Variants in LRRIQ1 observed in about 807,000 individuals in gnomAD.
LRRIQ1 encodes leucine rich repeats and IQ motif containing 1.
LRRIQ1 carries 210 observed loss-of-function variants against 211.9 expected under a neutral mutation model. That is an observed-to-expected ratio of 0.99 (90% CI 0.89 to 1.11). The LOEUF (loss-of-function observed/expected upper bound fraction) is 1.11. Among genes scored for constraint, LRRIQ1 ranks in the 50% most tolerant of loss-of-function variants. The pLI, the probability that LRRIQ1 is intolerant of heterozygous loss-of-function variation, is 0.00. For missense variants in LRRIQ1, 2,136 were observed against 1,939.5 expected, an observed-to-expected ratio of 1.10 and a Z score of -1.90; for synonymous variants, 699 against 650.1, an observed-to-expected ratio of 1.08 and a Z score of -1.14.
At chr12:85,247,000 G>A (rs937837449), downstream of LRRIQ1, among the ~76,000 whole-genome samples, 3 of 151,320 alleles carry the variant, frequency 2.0e-5, no homozygotes, top group South Asian at 2.1e-4. Flanking sequence ...AAATGCATAC[G>A]AGTTAGAACA....
chr12:85,265,129 A>G (rs1388378559), downstream of LRRIQ1, among the ~76,000 whole-genome samples: 1 of 152,092 alleles, frequency 6.6e-6, no homozygotes, highest in Non-Finnish European at 1.5e-5. Context: ...TGTCTGTGTA[A>G]TACTGACATG....
intron 15 of LRRIQ1, among the ~76,000 whole-genome samples, chr12:85,113,676 T>A (rs73182408): frequency 1.3e-5 from 2 of 152,262 alleles, no homozygotes; most frequent in Non-Finnish European, 2.9e-5. Flanking sequence ...CATTAGTGAT[T>A]AGAAATGTTA....
chr12:85,159,308 T>C (rs1475061201), intron 23 of LRRIQ1, among the ~76,000 whole-genome samples: 8 of 152,030 alleles, frequency 5.3e-5, no homozygotes, highest in African/African-American at 1.7e-4. Context: ...TATGGTTCTA[T>C]GTATTTTTAT....
intron 19 of LRRIQ1, among the ~76,000 whole-genome samples, chr12:85,138,792 A>G (rs1413523399): frequency 6.6e-6 from 1 of 151,612 alleles, no homozygotes; most frequent in African/African-American, 2.4e-5. Flanking sequence ...AACATGAAAC[A>G]TACAAATTTC....
chr12:85,232,288 A>G (rs898119609), intron 25 of LRRIQ1, among the ~76,000 whole-genome samples: 5 of 152,112 alleles, frequency 3.3e-5, no homozygotes, highest in African/African-American at 4.8e-5. Context: ...GAATATTAGT[A>G]TAACACATTA....
At chr12:85,117,127 A>G (rs185877279) in intron 15 of LRRIQ1, among the ~76,000 whole-genome samples, 4 of 152,342 alleles carry the variant, frequency 2.6e-5, no homozygotes, top group East Asian at 3.9e-4. Flanking sequence ...GAGGCACACT[A>G]TAAGGATCTA....
At chr12:85,217,693 T>G (rs1894208666) in intron 24 of LRRIQ1, among the ~76,000 whole-genome samples, 1 of 145,898 alleles carries the variant, frequency 6.9e-6, no homozygotes, top group Non-Finnish European at 1.5e-5. Flanking sequence ...TATATGTGTA[T>G]ATATGTATAT....
At chr12:85,126,439 T>A (rs1592845283) in intron 17 of LRRIQ1, among the ~76,000 whole-genome samples, 1 of 152,158 alleles carries the variant, frequency 6.6e-6, no homozygotes, top group African/African-American at 2.4e-5. Context: ...TCACCCAAAG[T>A]GCCTATTAAA....
intron 24 of LRRIQ1, among the ~76,000 whole-genome samples, chr12:85,164,837 TACCAGGTA>T (rs1454945518): frequency 7.9e-5 from 12 of 152,164 alleles, no homozygotes; most frequent in Middle Eastern, 3.2e-3. Flanking sequence ...GAAAAAAGAT[TACCAGGTA>T]ACCATGAAAT....
At chr12:85,133,821 A>G (rs1002221949) in intron 18 of LRRIQ1, among the ~76,000 whole-genome samples, 2 of 152,156 alleles carry the variant, frequency 1.3e-5, no homozygotes, top group African/African-American at 4.8e-5. Flanking sequence ...TTAACATTGA[A>G]TGACTCAAGT....
At chr12:85,154,439 G>A (rs909784303) in intron 23 of LRRIQ1, among the ~76,000 whole-genome samples, 1 of 151,158 alleles carries the variant, frequency 6.6e-6, no homozygotes, top group Non-Finnish European at 1.5e-5. Flanking sequence ...AGTCTTTTGC[G>A]TGCTTTTAAA....
At chr12:85,147,915 GAAC>G (rs1296302892) in intron 19 of LRRIQ1, among the ~76,000 whole-genome samples, 1 of 151,666 alleles carries the variant, frequency 6.6e-6, no homozygotes, top group African/African-American at 2.4e-5. Flanking sequence ...GAATCAAATA[GAAC>G]GACAATAGGT....
intron 15 of LRRIQ1, among the ~76,000 whole-genome samples, chr12:85,114,747 C>T (rs1452271875): frequency 6.6e-6 from 1 of 152,008 alleles, no homozygotes; most frequent in African/African-American, 2.4e-5. Flanking sequence ...GAGTAATTCC[C>T]ACTTTAGAAT....
chr12:85,128,816 C>A (rs1888558127), intron 18 of LRRIQ1, among the ~76,000 whole-genome samples: 1 of 152,130 alleles, frequency 6.6e-6, no homozygotes, highest in Admixed American at 6.5e-5. Context: ...CCAGGGTTTT[C>A]TTTTTAAGCA....
Position 85,085,574 on chromosome 12 carries a change from AACC to A in LRRIQ1, c.2887+12479_2887+12481del, listed in dbSNP as rs1271873057. Among the ~76,000 whole-genome samples, 6 of 152,220 alleles carry A rather than the reference AACC, an allele frequency of 3.9e-5. No individual in the cohort carries two copies. The South Asian group carries it at 1.0e-3, about 26-fold the overall frequency. On this transcript the variant is annotated intron_variant, in intron 11 of 26. Coordinates refer to ENST00000393217, the MANE Select transcript of LRRIQ1 (RefSeq NM_001079910.2). The stretch of plus-strand genomic sequence containing the variant: ...CATAGTATCCAATAGGTACTTTTTC[AACC>A]ACTCCCTGCTTCACTCTCTCCCCTC...
chr12:85,149,712 A>T (rs754633163), intron 19 of LRRIQ1, among the ~76,000 whole-genome samples: 1 of 141,678 alleles, frequency 7.1e-6, no homozygotes, highest in African/African-American at 2.8e-5. Flanking sequence ...AGTACATATA[A>T]ATTCGTTGTC....
chr12:85,128,112 A>G, intron 18 of LRRIQ1, 79 bp downstream of exon 18: 1 of 1,077,604 alleles, frequency 9.3e-7, no homozygotes, highest in Non-Finnish European at 1.4e-6. Context: ...ATTAAAAATA[A>G]CCTCCAAATC....
chr12:85,061,363 G>T (rs553071036), intron 8 of LRRIQ1, among the ~76,000 whole-genome samples: 1 of 151,736 alleles, frequency 6.6e-6, no homozygotes, highest in South Asian at 2.1e-4. Flanking sequence ...TGGTCGAGTA[G>T]GGGACTATAT....
chr12:85,207,166 G>A (rs1367646483), intron 24 of LRRIQ1, among the ~76,000 whole-genome samples: 3 of 152,082 alleles, frequency 2.0e-5, no homozygotes, highest in Admixed American at 2.0e-4. Context: ...AGTGCTTGGG[G>A]AGCCTGGAAT....
Sources: gnomAD v4.1 joint callset for allele counts (sites outside exome capture counted in the v4.1 genomes callset) on GRCh38, gnomAD v4.1.1 for gene constraint, MANE v1.5 for transcripts, NCBI Gene and HGNC (gene_info 2026-07-23, HGNC 2026-07-21) for gene names.